Variants in SNX29 observed in about 807,000 individuals in gnomAD.
The protein encoded by SNX29 is sorting nexin-29.
Under a neutral mutation model 102.1 loss-of-function variants are expected in SNX29, and 78 were observed. The observed-to-expected ratio is 0.76, with a 90% CI of 0.64 to 0.92. SNX29 has a LOEUF of 0.92. Among genes scored for constraint, SNX29 ranks in the 40% least tolerant of loss-of-function variants. The pLI, the probability that SNX29 is intolerant of heterozygous loss-of-function variation, is 0.00. For synonymous variants in SNX29, 580 were observed against 414.5 expected, an observed-to-expected ratio of 1.40 and a Z score of -4.85; for missense variants, 1,280 against 1,061.7, an observed-to-expected ratio of 1.21 and a Z score of -2.86.
intron 11 of SNX29, among the ~76,000 whole-genome samples, chr16:12,088,674 A>C (rs35318501): frequency 0.16 from 25,108 of 152,286 alleles, 2,578 homozygotes; most frequent in Admixed American, 0.25. Context: ...TGGCCGGGGC[A>C]GTGGCGCACG....
chr16:12,539,274 C>T (rs536372629), intron 20 of SNX29, among the ~76,000 whole-genome samples: 27 of 152,162 alleles, frequency 1.8e-4, no homozygotes, highest in Admixed American at 3.9e-4. Flanking sequence ...TCCTTTCTAG[C>T]TGCACCCTCC....
chr16:11,989,238 G>T (rs925584333), intron 1 of SNX29, among the ~76,000 whole-genome samples: 9 of 152,168 alleles, frequency 5.9e-5, no homozygotes, highest in African/African-American at 2.2e-4. Context: ...CTCCCAAAGT[G>T]CTGGGATTAC....
chr16:12,003,861 G>T (rs1164696653), intron 3 of SNX29, among the ~76,000 whole-genome samples: 1 of 150,554 alleles, frequency 6.6e-6, no homozygotes, highest in Admixed American at 6.6e-5. Context: ...ACAAAAATTA[G>T]CTGGGTGTGG....
rs985723649 is a variant in SNX29, at chr16:12,569,375, A to G, written c.*746A>G. The G allele has an allele frequency of 1.6e-4, 36 of 230,280 alleles. No homozygotes were observed. The highest frequency in any genetic ancestry group is 5.7e-5 in the Admixed American group (1 of 17,620). 14.3% of individuals were successfully genotyped at this position (230,280 alleles called of 1,614,324 possible). The stretch of plus-strand genomic sequence containing the variant: ...CGCCAGGCTTGGAGTGGGGGGACTC[A>G]GACATCTGGCCCAGCCATCAGCAGC... On this transcript the variant is annotated 3_prime_UTR_variant, in exon 21 of 21. Coordinates refer to ENST00000566228, the MANE Select transcript of SNX29 (RefSeq NM_032167.5).
At chr16:12,030,625 G>C (rs1240092000) in intron 4 of SNX29, among the ~76,000 whole-genome samples, 2 of 152,122 alleles carry the variant, frequency 1.3e-5, no homozygotes, top group African/African-American at 2.4e-5. Context: ...GTCTTGATCA[G>C]CTCTGACCCA....
At chr16:12,397,689 C>G (rs747845977) in intron 16 of SNX29, among the ~76,000 whole-genome samples, 28 of 152,314 alleles carry the variant, frequency 1.8e-4, no homozygotes, top group Non-Finnish European at 3.7e-4. Context: ...TATTGAACAT[C>G]TACCACTACT....
chr16:12,139,979 T>TGAA (rs144110763), intron 13 of SNX29, among the ~76,000 whole-genome samples: 1,147 of 62,658 alleles, frequency 0.018, 66 homozygotes, highest in East Asian at 0.079. Context: ...ATACCCTGTC[T>TGAA]CAAAAAAAAA....
chr16:12,116,055 G>T (rs962041183), intron 11 of SNX29, among the ~76,000 whole-genome samples: 1 of 152,198 alleles, frequency 6.6e-6, no homozygotes, highest in African/African-American at 2.4e-5. Flanking sequence ...TGGAGACAAA[G>T]ATATCTGCCA....
chr16:12,349,595 A>G (rs1201422405), intron 15 of SNX29, among the ~76,000 whole-genome samples: 1 of 152,236 alleles, frequency 6.6e-6, no homozygotes, highest in East Asian at 1.9e-4. Flanking sequence ...TCCTGTAAGT[A>G]TAATGCAAAT....
intron 14 of SNX29, among the ~76,000 whole-genome samples, chr16:12,205,660 C>G (rs1191879373): frequency 6.6e-6 from 1 of 152,208 alleles, no homozygotes; most frequent in African/African-American, 2.4e-5. Flanking sequence ...ATTCAGATAC[C>G]ACCTCCTCTT....
At chr16:12,180,737 G>A (rs1040731148) in intron 13 of SNX29, among the ~76,000 whole-genome samples, 16 of 152,178 alleles carry the variant, frequency 1.1e-4, no homozygotes, top group African/African-American at 3.6e-4. Flanking sequence ...CACCGGCCTC[G>A]GCCTCCCAAA....
chr16:12,167,685 CTCTTAGAGAT>C (rs2076048950), intron 13 of SNX29, among the ~76,000 whole-genome samples: 1 of 152,128 alleles, frequency 6.6e-6, no homozygotes, highest in African/African-American at 2.4e-5. Flanking sequence ...TACCACTGCC[CTCTTAGAGAT>C]GTGGGACCAA....
chr16:12,205,014 C>T (rs1320376731), intron 14 of SNX29, among the ~76,000 whole-genome samples: 1 of 152,152 alleles, frequency 6.6e-6, no homozygotes, highest in Non-Finnish European at 1.5e-5. Flanking sequence ...TCCACACCTG[C>T]GTGTGTTTTG....
intron 20 of SNX29, among the ~76,000 whole-genome samples, chr16:12,528,328 C>A (rs146852124): frequency 6.6e-6 from 1 of 152,110 alleles, no homozygotes; most frequent in Non-Finnish European, 1.5e-5. Flanking sequence ...CTCTGAGTAG[C>A]TGGGATTACA....
At chr16:12,443,101 G>A (rs34889591) in intron 18 of SNX29, 109,533 of 447,708 alleles carry the variant, frequency 0.24, 14,420 homozygotes, top group African/African-American at 0.38. Context: ...AGGGAACAGT[G>A]TGTCAGAGGA....
intron 15 of SNX29, among the ~76,000 whole-genome samples, chr16:12,293,616 T>G (rs1049754735): frequency 6.6e-6 from 1 of 152,240 alleles, no homozygotes; most frequent in East Asian, 1.9e-4. Context: ...GCAAATTAAC[T>G]AAATGAATTA....
chr16:12,189,220 T>G (rs1439408919), intron 13 of SNX29, among the ~76,000 whole-genome samples: 2 of 152,264 alleles, frequency 1.3e-5, no homozygotes, highest in Non-Finnish European at 2.9e-5. Context: ...AAATTAACAT[T>G]GACACATTTC....
At chr16:12,502,128 A>C (rs1435052030) in intron 19 of SNX29, among the ~76,000 whole-genome samples, 1 of 152,218 alleles carries the variant, frequency 6.6e-6, no homozygotes, top group African/African-American at 2.4e-5. Flanking sequence ...TGCTCCGTCC[A>C]GATGTGCGAG....
intron 18 of SNX29, among the ~76,000 whole-genome samples, chr16:12,447,264 C>T: frequency 6.7e-6 from 1 of 149,382 alleles, no homozygotes; most frequent in African/African-American, 2.5e-5. Flanking sequence ...AGCATCCAGG[C>T]AATTGAAGAA....
Sources: allele counts gnomAD v4.1 joint callset (sites outside exome capture counted in the v4.1 genomes callset), GRCh38; gene constraint gnomAD v4.1.1; transcripts MANE v1.5; gene names NCBI Gene and HGNC (gene_info 2026-07-23, HGNC 2026-07-21).